Variants in BMP15 observed in about 807,000 individuals in gnomAD.
BMP15 encodes the protein bone morphogenetic protein 15.
A neutral mutation model predicts 4.4 loss-of-function variants in BMP15; 5 were observed. That is an observed-to-expected ratio of 1.13 (90% CI 0.59 to 2.38). The LOEUF is 2.38. Among genes scored for constraint, BMP15 ranks in the 30% most tolerant of loss-of-function variants. The probability of loss-of-function intolerance (pLI) is 0.01; values close to 1 mark genes in which losing one functional copy is unlikely to be tolerated. For synonymous variants in BMP15, 125 were observed against 114.6 expected (o/e 1.09, Z -0.58); for missense variants, 339 against 309.8 (o/e 1.09, Z -0.71).
At chrX:50,913,243 C>G (rs782287567) in intron 1 of BMP15, among the ~76,000 whole-genome samples, 1 of 111,105 alleles carries the variant, frequency 9.0e-6, no homozygotes, top group Non-Finnish European at 1.9e-5. Flanking sequence ...GCCTGAGCAA[C>G]ACAGGGAGAC....
In BMP15 at chrX:50,915,965, CG is replaced by C; in HGVS notation, c.538del (p.Ala180LeufsTer190). On this transcript the variant is annotated frameshift_variant, in exon 2 of 2. Transcript: ENST00000252677. LOFTEE classifies it low-confidence loss of function (END_TRUNC). The part of the protein sequence containing the change: ...DSSKPSLMSN[A>X]WKEMDITQLV... Reference sequence around the variant, plus strand: ...CCTCAAAACCTTCCCTGATGTCTAACGCTTGGAAAGAGATGGATATCACACA... The same window carrying C: ...CCTCAAAACCTTCCCTGATGTCTAACCTTGGAAAGAGATGGATATCACACA... The C allele has an allele frequency of 8.3e-7, 1 of 1,211,717 alleles. No homozygotes were observed. Among genetic ancestry groups the C allele is most frequent in the Non-Finnish European group, 1.1e-6 (1 of 895,509 alleles).
chrX:50,914,240 G>A (rs1265723574), intron 1 of BMP15, among the ~76,000 whole-genome samples: 1 of 112,076 alleles, frequency 8.9e-6, no homozygotes, highest in Non-Finnish European at 1.9e-5. Context: ...CCAAAGTGCT[G>A]GGATTAGAGG....
intron 1 of BMP15, among the ~76,000 whole-genome samples, chrX:50,915,019 A>T (rs1328818210): frequency 8.9e-6 from 1 of 111,816 alleles, no homozygotes; most frequent in Non-Finnish European, 1.9e-5. Context: ...AATGGAGAAC[A>T]ATTTCCAGCA....
chrX:50,914,858 G>A (rs1246064230), intron 1 of BMP15, among the ~76,000 whole-genome samples: 6 of 111,632 alleles, frequency 5.4e-5, no homozygotes, highest in Admixed American at 2.9e-4. Flanking sequence ...TCCTTTGGCC[G>A]TTGAGTGTCA....
intron 1 of BMP15, among the ~76,000 whole-genome samples, chrX:50,915,071 G>C (rs1923098707): frequency 8.9e-6 from 1 of 111,827 alleles, no homozygotes; most frequent in African/African-American, 3.3e-5. Context: ...AGGAGGAAAA[G>C]ATGCTTAAGA....
Position 50,915,916 on chromosome X carries a change from A to T in BMP15, c.488A>T (p.His163Leu). 8.3e-7 allele frequency: 1 copy of T among 1,211,250 alleles called. No homozygotes were observed. Among genetic ancestry groups the T allele is most frequent in the Non-Finnish European group, 1.1e-6 (1 of 895,362 alleles). Reference protein sequence around the residue: ...EPWVQKNPTNHFPSSEGDSSK... With the variant: ...EPWVQKNPTNLFPSSEGDSSK... ...TGGGTGCAGAAAAACCCAACCAACC[A>T]CTTCCCTTCCTCAGAAGGAGATTCC... Residue 163 changes from histidine to leucine, a missense_variant, in exon 2 of 2, where the codon CAC (histidine) becomes CTC (leucine). His to Leu is a moderately conservative substitution (Grantham distance 99). Coordinates refer to ENST00000252677, the MANE Select transcript of BMP15 (RefSeq NM_005448.2).
At position 50,911,006 on chromosome X, in the gene BMP15, C is replaced by A. The variant is rs372802622; in HGVS notation, c.223C>A (p.Arg75=). The A allele has an allele frequency of 2.5e-6, 3 of 1,193,034 alleles. No homozygotes were observed. Among genetic ancestry groups the A allele is most frequent in the East Asian group, 3.1e-5 (1 of 32,715 alleles). Residue 75 remains arginine (R), a synonymous_variant, in exon 1 of 2, where the codon CGG becomes AGG. Coordinates refer to ENST00000252677, the MANE Select transcript of BMP15 (RefSeq NM_005448.2). The stretch of plus-strand genomic sequence containing the variant: ...ACTGCGGTACATGCTGGAGTTGTAC[C>A]GGCGTTCAGCTGACTCGCATGGGCA... ...HSLRYMLELY[R]RSADSHGHPR...
Position 50,910,986 on chromosome X carries a change from G to A in BMP15, c.203G>A (p.Arg68Gln), listed in dbSNP as rs782187019. The change falls in exon 1 of 2, where the codon CGG becomes CAG. Residue 68 changes from arginine to glutamine, a missense_variant. Coordinates refer to ENST00000252677, the MANE Select transcript of BMP15 (RefSeq NM_005448.2). The stretch of plus-strand genomic sequence containing the variant: ...CCCCGGCTCCTAGGGCATTCACTGC[G>A]GTACATGCTGGAGTTGTACCGGCGT... ...RKPRLLGHSLRYMLELYRRSA... is the reference protein window; with the variant it reads ...RKPRLLGHSLQYMLELYRRSA... 51 of 1,189,709 alleles carry A rather than the reference G, an allele frequency of 4.3e-5. No homozygotes were observed. The South Asian group carries it at 7.0e-4, about 16-fold the overall frequency.
rs1923113838 is a variant in BMP15 at position 50,915,854 on chromosome X, A to G, written c.426A>G (p.Gln142=). The G allele has an allele frequency of 8.3e-7, 1 of 1,211,316 alleles. No individual in the cohort carries two copies. The highest frequency in any genetic ancestry group is 1.1e-6 in the Non-Finnish European group (1 of 895,343). ...CTGTGGTTTACCGCCATCATCTCCA[A>G]CTAACTCGCTTCAATCTCTCCTGCC... The part of the protein sequence containing the change: ...RATVVYRHHL[Q]LTRFNLSCHV... Residue 142 remains glutamine (Q), a synonymous_variant, in exon 2 of 2, where the codon CAA becomes CAG. Transcript: ENST00000252677.
rs782346235 is a variant in BMP15 at position 50,916,254 on chromosome X, G to T, written c.826G>T (p.Val276Phe). 1.1e-5 allele frequency: 13 copies of T among 1,210,818 alleles called. No homozygotes were observed. Among genetic ancestry groups the T allele is most frequent in the Non-Finnish European group, 1.3e-5 (12 of 894,990 alleles). The stretch of plus-strand genomic sequence containing the variant: ...ACAAGCAGATGGTATCTCAGCTGAG[G>T]TTACTGCCTCTTCCTCAAAACATAG... ...TRQADGISAE[V>F]TASSSKHSGP... The change falls in exon 2 of 2, where the codon GTT (valine) becomes TTT (phenylalanine). Residue 276 changes from valine (V) to phenylalanine (F), a missense_variant. Physicochemically the swap from Val to Phe is conservative, Grantham distance 50 (BLOSUM62 -1). Coordinates refer to ENST00000252677, the MANE Select transcript of BMP15 (RefSeq NM_005448.2).
chrX:50,911,009 C>T lies in BMP15; in HGVS notation c.226C>T (p.Arg76Cys), dbSNP rs104894766. 213 of 1,193,726 alleles carry T rather than the reference C, an allele frequency of 1.8e-4. 1 individual carries two copies. The South Asian group carries it at 2.9e-3, about 16-fold the overall frequency. ...GCGGTACATGCTGGAGTTGTACCGG[C>T]GTTCAGCTGACTCGCATGGGCACCC... Reference protein sequence around the residue: ...SLRYMLELYRRSADSHGHPRE... With the variant: ...SLRYMLELYRCSADSHGHPRE... Residue 76 changes from arginine to cysteine, a missense_variant, in exon 1 of 2, where the codon CGT becomes TGT. Physicochemically the swap from Arg to Cys is radical, Grantham distance 180. Coordinates refer to ENST00000252677, the MANE Select transcript of BMP15 (RefSeq NM_005448.2).
Position 50,911,045 on chromosome X carries a change from C to A in BMP15, c.262C>A (p.Arg88Ser). 1.7e-6 allele frequency: 2 copies of A among 1,198,631 alleles called. No homozygotes were observed. Among genetic ancestry groups the A allele is most frequent in the East Asian group, 3.0e-5 (1 of 33,100 alleles). ...CTCGCATGGGCACCCTAGAGAGAAC[C>A]GCACCATTGGGGCCACCATGGTGAG... Reference protein sequence around the residue: ...ADSHGHPRENRTIGATMVRLV... With the variant: ...ADSHGHPRENSTIGATMVRLV... The change falls in exon 1 of 2, where the codon CGC becomes AGC. Residue 88 changes from arginine to serine, a missense_variant. Arg to Ser is a moderately radical substitution (Grantham distance 110, BLOSUM62 -1). Coordinates refer to ENST00000252677, the MANE Select transcript of BMP15 (RefSeq NM_005448.2).
At chrX:50,915,189 T>C (rs1342379522) in intron 1 of BMP15, among the ~76,000 whole-genome samples, 6 of 111,422 alleles carry the variant, frequency 5.4e-5, no homozygotes, top group African/African-American at 2.0e-4. Flanking sequence ...TTTGAAATTA[T>C]AGCAGGCCAT....
chrX:50,914,261 C>T (rs1038134476), intron 1 of BMP15, among the ~76,000 whole-genome samples: 5 of 112,108 alleles, frequency 4.5e-5, no homozygotes, highest in African/African-American at 6.5e-5. Flanking sequence ...CGTGAGCCAC[C>T]GCGCCCAGCC....
In BMP15 at chrX:50,916,226, C is replaced by T. The variant is rs782243326; in HGVS notation, c.798C>T (p.Thr266=). The T allele has an allele frequency of 2.2e-5, 27 of 1,209,064 alleles. No individual in the cohort carries two copies. Among genetic ancestry groups the T allele is most frequent in the Non-Finnish European group, 3.0e-5 (27 of 895,090 alleles). ...AAAGGGAATCTCTTCTCCGGAGAACCCGACAAGCAGATGGTATCTCAGCTG... is the reference window on the plus strand; with the variant it reads ...AAAGGGAATCTCTTCTCCGGAGAACTCGACAAGCAGATGGTATCTCAGCTG... ...FMERESLLRR[T]RQADGISAEV... is the part of the protein sequence containing the mutation. Residue 266 remains threonine, a synonymous_variant, in exon 2 of 2, where the codon ACC becomes ACT. Transcript: ENST00000252677.
chrX:50,916,373 C>T lies in BMP15; in HGVS notation c.945C>T (p.Tyr315=), dbSNP rs1557280358. ...WDHWIIAPPF[Y]TPNYCKGTCL... ...ACTGGATCATTGCTCCCCCTTTCTA[C>T]ACCCCAAACTACTGTAAAGGAACTT... Residue 315 remains tyrosine, a synonymous_variant, in exon 2 of 2, where the codon TAC becomes TAT. Coordinates refer to ENST00000252677, the MANE Select transcript of BMP15 (RefSeq NM_005448.2). The T allele has an allele frequency of 8.4e-7, 1 of 1,195,076 alleles. No individual in the cohort carries two copies. The highest frequency in any genetic ancestry group is 1.9e-5 in the South Asian group (1 of 53,650).
At chrX:50,912,086 C>T (rs1174124421) in intron 1 of BMP15, among the ~76,000 whole-genome samples, 12 of 111,690 alleles carry the variant, frequency 1.1e-4, no homozygotes, top group Non-Finnish European at 1.7e-4. Context: ...TAAATATTCT[C>T]GTACCTAACC....
At position 50,916,239 on chromosome X, in the gene BMP15, G is replaced by T. The variant is rs782269507; in HGVS notation, c.811G>T (p.Gly271Cys). 71 of 1,209,159 alleles carry T rather than the reference G, an allele frequency of 5.9e-5. No individual in the cohort carries two copies. The Admixed American group carries it at 8.1e-4, about 14-fold the overall frequency. The change falls in exon 2 of 2, where the codon GGT becomes TGT. Residue 271 changes from glycine to cysteine, a missense_variant. By Grantham distance (159) the Gly-to-Cys change is radical. Transcript: ENST00000252677. Reference sequence around the variant, plus strand: ...TCTCCGGAGAACCCGACAAGCAGATGGTATCTCAGCTGAGGTTACTGCCTC... The same window carrying T: ...TCTCCGGAGAACCCGACAAGCAGATTGTATCTCAGCTGAGGTTACTGCCTC... ...SLLRRTRQAD[G>C]ISAEVTASSS...
Position 50,916,460 on chromosome X carries a change from C to CA in BMP15, c.1034dup (p.Asn345LysfsTer17), listed in dbSNP as rs782611846. 7 of 1,211,531 alleles carry CA rather than the reference C, an allele frequency of 5.8e-6. No individual in the cohort carries two copies. The highest frequency in any genetic ancestry group is 7.8e-6 in the Non-Finnish European group (7 of 895,478). On this transcript the variant is annotated frameshift_variant, in exon 2 of 2. Transcript: ENST00000252677. LOFTEE classifies it low-confidence loss of function (END_TRUNC). ...ATCACGCCATTATTCAGAACCTTATCAATCAGTTGGTGGACCAGAGTGTCC... is the reference window on the plus strand; with the variant it reads ...ATCACGCCATTATTCAGAACCTTATCAAATCAGTTGGTGGACCAGAGTGTCC...
Sources: gnomAD v4.1 joint callset for allele counts (sites outside exome capture counted in the v4.1 genomes callset) on GRCh38, gnomAD v4.1.1 for gene constraint, MANE v1.5 for transcripts, NCBI Gene and HGNC (gene_info 2026-07-23, HGNC 2026-07-21) for gene names.